Variants in MFSD6 observed in about 807,000 individuals in gnomAD.
The protein encoded by MFSD6 is major facilitator superfamily domain containing 6, also known as major facilitator superfamily domain-containing protein 6.
A neutral mutation model predicts 56.3 loss-of-function variants in MFSD6; 26 were observed. The ratio of observed to expected loss-of-function variants is 0.46; its 90% CI spans 0.34 to 0.64. MFSD6 has a LOEUF of 0.64. Among genes scored for constraint, MFSD6 ranks in the 30% least tolerant of loss-of-function variants. The probability of loss-of-function intolerance (pLI) is 0.01; values close to 1 mark genes in which losing one functional copy is unlikely to be tolerated. For missense variants in MFSD6, 750 were observed against 986.2 expected, an observed-to-expected ratio of 0.76 and a Z score of 3.21; for synonymous variants, 331 against 366.9, an observed-to-expected ratio of 0.90 and a Z score of 1.12.
chr2:190,408,915 C>T (rs911133174), intron 1 of MFSD6, among the ~76,000 whole-genome samples: 3 of 152,126 alleles, frequency 2.0e-5, no homozygotes, highest in African/African-American at 7.2e-5. Flanking sequence ...ATGCCCGGGT[C>T]CTCCTCCGCC....
chr2:190,453,532 T>C (rs1178987540), intron 3 of MFSD6, among the ~76,000 whole-genome samples: 1 of 152,248 alleles, frequency 6.6e-6, no homozygotes, highest in Non-Finnish European at 1.5e-5. Flanking sequence ...GAACATGCCG[T>C]TATCAGTGTT....
chr2:190,475,632 C>T (rs931445609), intron 4 of MFSD6, among the ~76,000 whole-genome samples: 7 of 152,166 alleles, frequency 4.6e-5, no homozygotes, highest in African/African-American at 1.7e-4. Flanking sequence ...AATGGCCATA[C>T]TGCCCAAGGT....
Position 190,436,228 on chromosome 2 carries a change from G to T in MFSD6, c.199G>T (p.Asp67Tyr). The T allele has an allele frequency of 6.2e-7, 1 of 1,614,000 alleles. No individual in the cohort carries two copies. The highest frequency in any genetic ancestry group is 1.1e-5 in the South Asian group (1 of 91,072). Reference sequence around the variant, plus strand: ...GAAACATTGTGTTAAGATAAACAACGATCTTCTAATTTCCAAGGTCTTTTA... The same window carrying T: ...GAAACATTGTGTTAAGATAAACAACTATCTTCTAATTTCCAAGGTCTTTTA... ...IEKHCVKINNDLLISKVFYFF... is the reference protein window; with the variant it reads ...IEKHCVKINNYLLISKVFYFF... Residue 67 changes from aspartate (D) to tyrosine (Y), a missense_variant, in exon 3 of 8, where the codon GAT becomes TAT. This residue lies in a region of MFSD6 where 76 missense variants were observed against 101.9 expected (regional missense o/e 0.75). Coordinates refer to ENST00000392328, the MANE Select transcript of MFSD6 (RefSeq NM_017694.4). This position sits in a 1 kb window ranked among gnomAD's most constrained non-coding sequence, Gnocchi z 5.3.
intron 3 of MFSD6, among the ~76,000 whole-genome samples, chr2:190,450,488 C>CTTTTTTTTTTTTTTTTTTT (rs10665730): frequency 2.1e-5 from 2 of 97,254 alleles, no homozygotes; most frequent in Non-Finnish European, 3.8e-5. Flanking sequence ...TCTCTTTTTC[C>CTTTTTTTTTTTTTTTTTTT]TTTTTTTTTT....
In MFSD6 at chr2:190,497,272, C is replaced by A. The variant is rs1689752836; in HGVS notation, c.1892-167C>A. ...AAGATAAACATCATGTTCATTGATT[C>A]AGTACTTACACCAAGTAATGAAGTC... On this transcript the variant is annotated intron_variant, in intron 6 of 7. Transcript: ENST00000392328. The surrounding 1 kb of genome is among the most constrained non-coding windows in gnomAD (Gnocchi z 5.2). 6.6e-6 allele frequency among the ~76,000 whole-genome samples: 1 copy of A among 152,088 alleles called. No individual in the cohort carries two copies. Among genetic ancestry groups the A allele is most frequent in the African/African-American group, 2.4e-5 (1 of 41,396 alleles).
At position 190,436,774 on chromosome 2, in the gene MFSD6, CCT is replaced by C. The variant is rs1559110667; in HGVS notation, c.746_747del (p.Pro249ArgfsTer24). The C allele has an allele frequency of 3.1e-6, 5 of 1,614,172 alleles. No homozygotes were observed. The highest frequency in any genetic ancestry group is 2.2e-5 in the East Asian group (1 of 44,888). The stretch of plus-strand genomic sequence containing the variant: ...GACTTTGAACTCAAGCACAGCAACC[CCT>C]GTCTCCCCAGGAAGCGTAACCAAGG... ...DLTLNSSTAT[P>X]VSPGSVTKET... On this transcript the variant is annotated frameshift_variant, in exon 3 of 8. Transcript: ENST00000392328. LOFTEE classifies it high-confidence loss of function. The surrounding 1 kb of genome is among the most constrained non-coding windows in gnomAD (Gnocchi z 5.3).
intron 3 of MFSD6, among the ~76,000 whole-genome samples, chr2:190,464,198 A>G (rs1290541247): frequency 1.3e-5 from 2 of 152,240 alleles, no homozygotes; most frequent in East Asian, 3.8e-4. Context: ...GTGTCAGTCT[A>G]ACGGCAAATA....
rs1382605360 is a variant in MFSD6, at chr2:190,436,209, T to C, written c.180T>C (p.His60=). Reference sequence around the variant, plus strand: ...AGGAAATAGACTGGATAGAGAAACATTGTGTTAAGATAAACAACGATCTTC... The same window carrying C: ...AGGAAATAGACTGGATAGAGAAACACTGTGTTAAGATAAACAACGATCTTC... The part of the protein sequence containing the change: ...PEEEIDWIEK[H]CVKINNDLLI... Residue 60 remains histidine, a synonymous_variant, in exon 3 of 8, where the codon CAT becomes CAC. Transcript: ENST00000392328. This position sits in a 1 kb window ranked among gnomAD's most constrained non-coding sequence, Gnocchi z 5.3. 1.2e-6 allele frequency: 2 copies of C among 1,614,082 alleles called. No individual in the cohort carries two copies. The highest frequency in any genetic ancestry group is 1.7e-6 in the Non-Finnish European group (2 of 1,180,012).
chr2:190,450,987 C>G (rs967394575), intron 3 of MFSD6, among the ~76,000 whole-genome samples: 3 of 152,196 alleles, frequency 2.0e-5, no homozygotes, highest in Non-Finnish European at 4.4e-5. Context: ...TGGTTATAAC[C>G]ATTGGCCAAG....
chr2:190,455,218 A>G (rs529454371), intron 3 of MFSD6, among the ~76,000 whole-genome samples: 10 of 152,076 alleles, frequency 6.6e-5, no homozygotes, highest in South Asian at 2.1e-4. Flanking sequence ...TTTTATTGCT[A>G]TTTATTAAGT....
rs1415999526 is a variant in MFSD6 at position 190,417,988 on chromosome 2, GTGTGTGTGTGTGTA to G, written c.-54+2580_-54+2593del. On this transcript the variant is annotated intron_variant, in intron 2 of 7. Coordinates refer to ENST00000392328, the MANE Select transcript of MFSD6 (RefSeq NM_017694.4). This position sits in a 1 kb window ranked among gnomAD's most constrained non-coding sequence, Gnocchi z 5.7. Reference sequence around the variant, plus strand: ...GTGGTGTGTGTGTGTGTGTGTGTGTGTGTGTGTGTGTGTATGTGAGAGAGAGAGAGATGTGGTTT... The same window carrying G: ...GTGGTGTGTGTGTGTGTGTGTGTGTGTGTGAGAGAGAGAGAGATGTGGTTT... 2.0e-5 allele frequency among the ~76,000 whole-genome samples: 3 copies of G among 151,394 alleles called. No homozygotes were observed. The highest frequency in any genetic ancestry group is 4.2e-4 in the South Asian group (2 of 4,774).
rs117058601 is a variant in MFSD6 at position 190,460,498 on chromosome 2, A to G, written c.1533-9260A>G. On this transcript the variant is annotated intron_variant, in intron 3 of 7. Coordinates refer to ENST00000392328, the MANE Select transcript of MFSD6 (RefSeq NM_017694.4). ...ATAAGTATTTGTTAATTGATATTCT[A>G]TTTGAAGTATTCATATTTTCTCTTC... 1.4e-4 allele frequency among the ~76,000 whole-genome samples: 21 copies of G among 152,318 alleles called. No individual in the cohort carries two copies. The East Asian group carries it at 4.1e-3, about 29-fold the overall frequency.
chr2:190,457,337 A>T lies in MFSD6; in HGVS notation c.1533-12421A>T, dbSNP rs1687096188. On this transcript the variant is annotated intron_variant, in intron 3 of 7. Coordinates refer to ENST00000392328, the MANE Select transcript of MFSD6 (RefSeq NM_017694.4). The surrounding 1 kb of genome is among the most constrained non-coding windows in gnomAD (Gnocchi z 5.1). ...GCTCCTTTCAGTTCTGACTCTAATG[A>T]TCTAACTTTCTTCTTTGGCTGGTTT... Among the ~76,000 whole-genome samples the T allele has an allele frequency of 6.6e-6, 1 of 151,978 alleles. No homozygotes were observed. The highest frequency in any genetic ancestry group is 1.5e-5 in the Non-Finnish European group (1 of 68,004).
Position 190,489,628 on chromosome 2 carries a change from G to C in MFSD6, c.1793-140G>C, listed in dbSNP as rs1396486993. ...CAGCCCTGTGTTTTTCCATTATGTG[G>C]AGCTAATACCCAACTACTTTTCTCT... On this transcript the variant is annotated intron_variant, in intron 5 of 7. Coordinates refer to ENST00000392328, the MANE Select transcript of MFSD6 (RefSeq NM_017694.4). The surrounding 1 kb of genome is among the most constrained non-coding windows in gnomAD (Gnocchi z 6.6). 8.6e-6 allele frequency: 6 copies of C among 701,514 alleles called. No individual in the cohort carries two copies. The highest frequency in any genetic ancestry group is 1.8e-5 in the African/African-American group (1 of 55,602). 43.5% of individuals were successfully genotyped at this position (701,514 alleles called of 1,614,324 possible).
At position 190,431,478 on chromosome 2, in the gene MFSD6, G is replaced by A. The variant is rs977697105; in HGVS notation, c.-53-4499G>A. On this transcript the variant is annotated intron_variant, in intron 2 of 7. Coordinates refer to ENST00000392328, the MANE Select transcript of MFSD6 (RefSeq NM_017694.4). The surrounding 1 kb of genome is among the most constrained non-coding windows in gnomAD (Gnocchi z 4.4). ...GGCACCTCTGGAGGCCGAGGCTGGCGGATCACTCGCGATTAGGAGCTGGAG... is the reference window on the plus strand; with the variant it reads ...GGCACCTCTGGAGGCCGAGGCTGGCAGATCACTCGCGATTAGGAGCTGGAG... 6.6e-6 allele frequency among the ~76,000 whole-genome samples: 1 copy of A among 152,222 alleles called. No individual in the cohort carries two copies. The highest frequency in any genetic ancestry group is 1.5e-5 in the Non-Finnish European group (1 of 68,042).
At chr2:190,464,895 T>C (rs1035072857) in intron 3 of MFSD6, 1 of 977,488 alleles carries the variant, frequency 1.0e-6, no homozygotes, top group Non-Finnish European at 1.2e-6. Flanking sequence ...CTGTGGTTTT[T>C]AGTGGCTTTT....
intron 3 of MFSD6, among the ~76,000 whole-genome samples, chr2:190,453,051 C>T (rs1321637529): frequency 6.6e-6 from 1 of 151,980 alleles, no homozygotes; most frequent in Non-Finnish European, 1.5e-5. Context: ...TCATGGAGCT[C>T]ATGTTCTGTT....
chr2:190,475,677 C>A (rs934570777), intron 4 of MFSD6, among the ~76,000 whole-genome samples: 2 of 152,124 alleles, frequency 1.3e-5, no homozygotes, highest in Non-Finnish European at 2.9e-5. Flanking sequence ...CATGAAGCTA[C>A]CAATGACTTT....
rs1369732085 is a variant in MFSD6 at position 190,496,787 on chromosome 2, A to C, written c.1892-652A>C. 1.3e-5 allele frequency among the ~76,000 whole-genome samples: 2 copies of C among 152,234 alleles called. No individual in the cohort carries two copies. The highest frequency in any genetic ancestry group is 4.8e-5 in the African/African-American group (2 of 41,472). ...CAACCTGGATGGAACTGGAGACCAT[A>C]TTCTAAGTGAAGCAACTCAAGAATG... On this transcript the variant is annotated intron_variant, in intron 6 of 7. Transcript: ENST00000392328. This position sits in a 1 kb window ranked among gnomAD's most constrained non-coding sequence, Gnocchi z 4.7.
Sources: allele counts gnomAD v4.1 joint callset (sites outside exome capture counted in the v4.1 genomes callset), GRCh38; gene constraint gnomAD v4.1.1; regional missense constraint gnomAD v4.1.1; non-coding constraint Gnocchi (gnomAD v3.1); transcripts MANE v1.5; gene names NCBI Gene and HGNC (gene_info 2026-07-23, HGNC 2026-07-21).